The following C1QTNF3 variants were observed in gnomAD, a reference collection of about 807,000 sequenced individuals.
C1QTNF3 encodes complement C1q tumor necrosis factor-related protein 3.
A neutral mutation model predicts 32.6 loss-of-function variants in C1QTNF3; 26 were observed. The observed-to-expected ratio is 0.80, with a 90% CI of 0.58 to 1.11. The LOEUF (loss-of-function observed/expected upper bound fraction) is 1.11. Among genes scored for constraint, C1QTNF3 ranks in the 50% least tolerant of loss-of-function variants. The pLI is 0.00. For synonymous variants in C1QTNF3, 155 were observed against 146.0 expected, an observed-to-expected ratio of 1.06 and a Z score of -0.44; for missense variants, 362 against 398.2, an observed-to-expected ratio of 0.91 and a Z score of 0.77.
At chr5:34,177,485 T>A in the C1QTNF3 span, among the ~76,000 whole-genome samples, 1 of 141,844 alleles carries the variant, frequency 7.1e-6, no homozygotes, top group Non-Finnish European at 1.5e-5. Flanking sequence ...CCCAACTTTT[T>A]TTTTTTTTTT....
the C1QTNF3 span, among the ~76,000 whole-genome samples, chr5:34,121,697 A>G: frequency 1.3e-5 from 2 of 152,190 alleles, no homozygotes; most frequent in Admixed American, 6.5e-5. Context: ...AATTAGAAAA[A>G]TGATATTTTA....
the C1QTNF3 span, among the ~76,000 whole-genome samples, chr5:34,164,273 C>A: frequency 2.0e-5 from 3 of 152,108 alleles, no homozygotes; most frequent in South Asian, 6.2e-4. Context: ...ATGTCTATTG[C>A]CAGAAAAATG....
the C1QTNF3 span, among the ~76,000 whole-genome samples, chr5:34,122,724 A>G: frequency 6.6e-6 from 1 of 151,936 alleles, no homozygotes; most frequent in African/African-American, 2.4e-5. Context: ...ACTGTTGGAT[A>G]AGTAGATTAG....
At chr5:34,204,386 T>G in the C1QTNF3 span, among the ~76,000 whole-genome samples, 92 of 152,378 alleles carry the variant, frequency 6.0e-4, no homozygotes, top group African/African-American at 2.2e-3. Context: ...ATCTGGCATA[T>G]ATGCCCTATA....
the C1QTNF3 span, among the ~76,000 whole-genome samples, chr5:34,211,616 C>A: frequency 2.3e-3 from 330 of 145,828 alleles, 1 homozygote; most frequent in Non-Finnish European, 1.3e-3. Flanking sequence ...TGTTCAATTC[C>A]CACGTATGAG....
the C1QTNF3 span, among the ~76,000 whole-genome samples, chr5:34,056,332 T>A: frequency 6.6e-6 from 1 of 151,402 alleles, no homozygotes; most frequent in Non-Finnish European, 1.5e-5. Context: ...TGTGCATATT[T>A]TAGTTCACCT....
chr5:34,213,745 G>T, the C1QTNF3 span, among the ~76,000 whole-genome samples: 2 of 106,162 alleles, frequency 1.9e-5, no homozygotes, highest in Non-Finnish European at 3.6e-5. Flanking sequence ...TATATAGTGT[G>T]TGTATATATA....
At chr5:34,241,971 A>G in the C1QTNF3 span, among the ~76,000 whole-genome samples, 1 of 147,702 alleles carries the variant, frequency 6.8e-6, no homozygotes, top group Non-Finnish European at 1.5e-5. Flanking sequence ...GAAGGAAGGA[A>G]GGAAGGAAGG....
chr5:34,115,874 G>C, the C1QTNF3 span, among the ~76,000 whole-genome samples: 1 of 151,808 alleles, frequency 6.6e-6, no homozygotes, highest in East Asian at 1.9e-4. Flanking sequence ...CATATTCTCT[G>C]AATTCTAAAC....
At chr5:34,023,024 T>C (rs55973150) in intron 5 of C1QTNF3, among the ~76,000 whole-genome samples, 10,849 of 151,906 alleles carry the variant, frequency 0.071, 638 homozygotes, top group African/African-American at 0.16. Flanking sequence ...CCCGGGTAAT[T>C]TTTTGTATTT....
the C1QTNF3 span, chr5:34,175,721 T>C: frequency 3.1e-6 from 2 of 648,400 alleles, no homozygotes; most frequent in Admixed American, 2.4e-5. Context: ...GCTTCCCCCC[T>C]TTGTTTCCAA....
chr5:34,243,003 CA>C, the C1QTNF3 span, among the ~76,000 whole-genome samples: 13 of 148,094 alleles, frequency 8.8e-5, no homozygotes, highest in African/African-American at 2.5e-4. Flanking sequence ...GGGAGAGCAT[CA>C]GGAAAAATAG....
At chr5:34,207,538 G>T in the C1QTNF3 span, among the ~76,000 whole-genome samples, 1 of 151,866 alleles carries the variant, frequency 6.6e-6, no homozygotes, top group African/African-American at 2.4e-5. Context: ...TGTCTGTTTG[G>T]CATACTTTCA....
At chr5:34,226,024 T>C in the C1QTNF3 span, among the ~76,000 whole-genome samples, 3 of 152,012 alleles carry the variant, frequency 2.0e-5, no homozygotes, top group Non-Finnish European at 4.4e-5. Flanking sequence ...TATTATCTGA[T>C]TAAATATTTT....
rs111750814 is a variant in C1QTNF3, at chr5:34,017,947, G to A, written c.*2636C>T. On this transcript the variant is annotated 3_prime_UTR_variant, in exon 6 of 6. Transcript: ENST00000382065. ...AAAAAAATAATATTTTCCAAAACAG[G>A]AAAGTTAAATAAATTATGCAGTCAT... Among the ~76,000 whole-genome samples, 3,658 of 151,762 alleles carry A rather than the reference G, an allele frequency of 0.024. 60 individuals are homozygous for A. Among genetic ancestry groups the A allele is most frequent in the Middle Eastern group, 0.092 (27 of 294 alleles).
chr5:34,206,831 C>A, the C1QTNF3 span, among the ~76,000 whole-genome samples: 1 of 151,820 alleles, frequency 6.6e-6, no homozygotes, highest in African/African-American at 2.4e-5. Flanking sequence ...AGATACAGTA[C>A]TTAAAGCCCT....
chr5:34,134,034 C>A, the C1QTNF3 span, among the ~76,000 whole-genome samples: 8 of 152,124 alleles, frequency 5.3e-5, no homozygotes, highest in Non-Finnish European at 1.0e-4. Flanking sequence ...CTGTGAATGA[C>A]TTGATGATAA....
chr5:34,063,639 C>G, the C1QTNF3 span, among the ~76,000 whole-genome samples: 1 of 152,082 alleles, frequency 6.6e-6, no homozygotes, highest in Non-Finnish European at 1.5e-5. Flanking sequence ...GGGAACAGGC[C>G]ACACATAACT....
At chr5:34,067,292 C>T in the C1QTNF3 span, among the ~76,000 whole-genome samples, 1 of 152,224 alleles carries the variant, frequency 6.6e-6, no homozygotes, top group African/African-American at 2.4e-5. Context: ...TCCAAAATTG[C>T]TTCCACATTT....
Sources: allele counts gnomAD v4.1 joint callset (sites outside exome capture counted in the v4.1 genomes callset), GRCh38; gene constraint gnomAD v4.1.1; transcripts MANE v1.5; gene names NCBI Gene and HGNC (gene_info 2026-07-23, HGNC 2026-07-21).